TRAP1: variants seen among roughly 807,000 people sequenced by gnomAD.
TRAP1 encodes heat shock protein 75 kDa, mitochondrial.
A neutral mutation model predicts 89.1 loss-of-function variants in TRAP1; 102 were observed. The ratio of observed to expected loss-of-function variants is 1.15; its 90% CI spans 0.98 to 1.35. The LOEUF (loss-of-function observed/expected upper bound fraction) is 1.35, where lower values mean the gene tolerates loss of function less well. TRAP1 is among the 40% of genes most tolerant of loss of function. The pLI, the probability that TRAP1 is intolerant of heterozygous loss-of-function variation, is 0.00. For missense variants in TRAP1, 1,256 were observed against 945.3 expected (o/e 1.33, Z -4.31); for synonymous variants, 508 against 388.0 (o/e 1.31, Z -3.64).
Position 3,690,986 on chromosome 16 carries a change from C to T in TRAP1, c.89-1G>A, listed in dbSNP as rs772198824. 6.7e-7 allele frequency: 1 copy of T among 1,488,056 alleles called. No individual in the cohort carries two copies. Among genetic ancestry groups the T allele is most frequent in the South Asian group, 1.3e-5 (1 of 74,972 alleles). 92.2% of individuals were successfully genotyped at this position (1,488,056 alleles called of 1,614,324 possible). A position where few individuals can be genotyped will look rare whatever the true frequency, so the allele number is the denominator to read the frequency against. The stretch of plus-strand genomic sequence containing the variant: ...CTCCGAGGACACAGAATTGGTTTTC[C>T]TGAAAAGACAAATATGCAGAAAGAA... On this transcript the variant is annotated splice_acceptor_variant, in intron 1 of 17. Transcript: ENST00000246957. LOFTEE classifies it high-confidence loss of function.
Position 3,689,058 on chromosome 16 carries a change from T to C in TRAP1, c.327A>G (p.Lys109=), listed in dbSNP as rs1197433283. Residue 109 remains lysine, a synonymous_variant, in exon 3 of 18, where the codon AAA becomes AAG. Coordinates refer to ENST00000246957, the MANE Select transcript of TRAP1 (RefSeq NM_016292.3). ...GCATGGTTAGCAGGGAACGCACCTC[T>C]TTTTCTGAGTACAGGGACCGGGCAA... ...DIVARSLYSE[K]EVFIRELISN... 1 of 1,611,032 alleles carries C rather than the reference T, an allele frequency of 6.2e-7. No individual in the cohort carries two copies. Among genetic ancestry groups the C allele is most frequent in the Admixed American group, 1.7e-5 (1 of 59,540 alleles).
intron 13 of TRAP1, chr16:3,664,011 C>T (rs541525793): frequency 2.0e-5 from 8 of 398,792 alleles, no homozygotes; most frequent in South Asian, 1.2e-4. Context: ...TGCAGTGAGC[C>T]GAGATCGCAC....
chr16:3,665,828 T>C, intron 12 of TRAP1, 143 bp downstream of exon 12: 2 of 1,089,666 alleles, frequency 1.8e-6, no homozygotes, highest in South Asian at 1.7e-5. Context: ...TGGCCTTCCA[T>C]TTCCTGACCC....
chr16:3,688,094 G>A (rs1338657241), intron 3 of TRAP1, among the ~76,000 whole-genome samples: 1 of 152,060 alleles, frequency 6.6e-6, no homozygotes, highest in African/African-American at 2.4e-5. Flanking sequence ...TTGCCTTCCA[G>A]CAATAATCAG....
intron 17 of TRAP1, 79 bp downstream of exon 17, chr16:3,658,714 A>G: frequency 7.5e-7 from 1 of 1,333,900 alleles, no homozygotes; most frequent in Non-Finnish European, 1.0e-6. Flanking sequence ...TTTAGAGGAA[A>G]CCGCTGTTCC....
intron 1 of TRAP1, among the ~76,000 whole-genome samples, chr16:3,701,409 C>T (rs984268175): frequency 6.6e-6 from 1 of 152,006 alleles, no homozygotes; most frequent in African/African-American, 2.4e-5. Context: ...AAACAGAAGC[C>T]GGGCACAGTA....
chr16:3,702,174 G>A (rs1393771211), intron 1 of TRAP1, among the ~76,000 whole-genome samples: 1 of 149,716 alleles, frequency 6.7e-6, no homozygotes, highest in South Asian at 2.1e-4. Context: ...TTTCCCTGCT[G>A]TCGATGTTGA....
rs1275706484 is a variant in TRAP1, at chr16:3,694,558, C to G, written c.89-3573G>C. ...TCACCATGTTGGCCAGGCTGGTCTC[C>G]AACTCCTGACCTCAAGTGATCTGCC... On this transcript the variant is annotated intron_variant, in intron 1 of 17. Transcript: ENST00000246957. Among the ~76,000 whole-genome samples the G allele has an allele frequency of 2.6e-5, 4 of 152,174 alleles. No homozygotes were observed. In the South Asian group the frequency reaches 8.3e-4, roughly 32 times the overall value.
chr16:3,707,319 G>C (rs534211558), intron 1 of TRAP1, among the ~76,000 whole-genome samples: 8 of 150,310 alleles, frequency 5.3e-5, no homozygotes, highest in Admixed American at 1.3e-4. Flanking sequence ...CCAAGTAGCT[G>C]GGACTACAGG....
chr16:3,664,824 G>A (rs961705238), intron 12 of TRAP1: 5 of 219,292 alleles, frequency 2.3e-5, no homozygotes, highest in South Asian at 6.8e-5. Context: ...ACACGGACAC[G>A]GGTGAAGTCC....
chr16:3,671,576 T>TC lies in TRAP1; in HGVS notation c.1235+145dup, dbSNP rs1372817115. Reference sequence around the variant, plus strand: ...GAGGCCAGGCCAGCACCTGGAAGGCTCCTGAGGGCCCCCATGTGCAGGCCG... The same window carrying TC: ...GAGGCCAGGCCAGCACCTGGAAGGCTCCCTGAGGGCCCCCATGTGCAGGCCG... On this transcript the variant is annotated intron_variant, in intron 11 of 17. Transcript: ENST00000246957. The TC allele has an allele frequency of 6.4e-6, 5 of 777,548 alleles. No homozygotes were observed. In the East Asian group the frequency reaches 1.3e-4, roughly 21 times the overall value. 48.2% of individuals were successfully genotyped at this position (777,548 alleles called of 1,614,324 possible). A position where few individuals can be genotyped will look rare whatever the true frequency, so the allele number is the denominator to read the frequency against.
At chr16:3,663,836 G>A (rs778364017) in intron 13 of TRAP1, 66 of 444,972 alleles carry the variant, frequency 1.5e-4, no homozygotes, top group Non-Finnish European at 2.2e-4. Context: ...CACTTTGGGA[G>A]GCCAAAGCAG....
At chr16:3,658,614 A>T in intron 17 of TRAP1, 179 bp downstream of exon 17, 1 of 622,884 alleles carries the variant, frequency 1.6e-6, no homozygotes, top group South Asian at 2.0e-5. Flanking sequence ...CAGAGGTTGT[A>T]GTGAGCCAAG....
intron 3 of TRAP1, 22 bp downstream of exon 3, chr16:3,689,033 G>T (rs201640909): frequency 6.3e-7 from 1 of 1,584,846 alleles, no homozygotes; most frequent in Non-Finnish European, 8.6e-7. Flanking sequence ...CTAGCATCGG[G>T]CATGGTTAGC....
chr16:3,666,200 C>T, intron 11 of TRAP1, 82 bp from the exon 12 acceptor site: 1 of 1,488,300 alleles, frequency 6.7e-7, no homozygotes, highest in Non-Finnish European at 9.0e-7. Context: ...AAATGTTCAG[C>T]CCCGCTAAGA....
chr16:3,678,828 C>T (rs896906786), intron 5 of TRAP1, among the ~76,000 whole-genome samples: 2 of 152,148 alleles, frequency 1.3e-5, no homozygotes, highest in African/African-American at 4.8e-5. Context: ...AAAGGGCGAC[C>T]GCTGGAGGTT....
chr16:3,707,240 C>A (rs2051460233), intron 1 of TRAP1, among the ~76,000 whole-genome samples: 1 of 143,770 alleles, frequency 7.0e-6, no homozygotes, highest in Non-Finnish European at 1.5e-5. Flanking sequence ...GGCTGGAGTG[C>A]AGTGGCGGGA....
rs1350536638 is a variant in TRAP1 at position 3,689,132 on chromosome 16, T to A, written c.253A>T (p.Thr85Ser). The part of the protein sequence containing the change: ...ISSTESVQGS[T>S]SKHEFQAETK... ...TCGGCCTGGAACTCATGTTTGGAAG[T>A]GGAACCTAGTAATGAAACACAGACA... Residue 85 changes from threonine to serine, a missense_variant, in exon 3 of 18, where the codon ACT (threonine) becomes TCT (serine). Physicochemically the swap from Thr to Ser is moderately conservative, Grantham distance 58. Transcript: ENST00000246957. The A allele has an allele frequency of 6.2e-7, 1 of 1,613,288 alleles. No homozygotes were observed. The highest frequency in any genetic ancestry group is 8.5e-7 in the Non-Finnish European group (1 of 1,179,698).
At chr16:3,677,705 C>T (rs762394169) in intron 5 of TRAP1, 47 bp from the exon 6 acceptor site, 24 of 1,590,130 alleles carry the variant, frequency 1.5e-5, no homozygotes, top group Non-Finnish European at 2.0e-5. Flanking sequence ...CTCCAGAGAG[C>T]AGACACTCCC....
Sources: gnomAD v4.1 joint callset for allele counts (sites outside exome capture counted in the v4.1 genomes callset) on GRCh38, gnomAD v4.1.1 for gene constraint, MANE v1.5 for transcripts, NCBI Gene and HGNC (gene_info 2026-07-23, HGNC 2026-07-21) for gene names.